Variants in GPD1L observed in about 807,000 individuals in gnomAD.
GPD1L encodes glycerol-3-phosphate dehydrogenase 1-like protein.
GPD1L carries 17 observed loss-of-function variants against 32.9 expected under a neutral mutation model. The ratio of observed to expected loss-of-function variants is 0.52; its 90% CI spans 0.35 to 0.78. GPD1L has a LOEUF of 0.78. Ranked by LOEUF, GPD1L falls within the 30% of genes least tolerant of loss-of-function variation. The pLI is 0.01. For synonymous variants in GPD1L, 187 were observed against 165.9 expected, an observed-to-expected ratio of 1.13 and a Z score of -0.98; for missense variants, 361 against 447.8, an observed-to-expected ratio of 0.81 and a Z score of 1.75.
intron 5 of GPD1L, chr3:32,151,637 G>A (rs1330617770): frequency 1.7e-5 from 3 of 171,896 alleles, no homozygotes; most frequent in African/African-American, 7.2e-5. Flanking sequence ...TTGCCACCAT[G>A]CCTGCTAATT....
intron 2 of GPD1L, 131 bp from the exon 3 acceptor site, chr3:32,138,456 G>A: frequency 1.1e-6 from 1 of 885,182 alleles, no homozygotes; most frequent in South Asian, 1.3e-5. Flanking sequence ...AAACACACTT[G>A]CCTTCCTTGT....
chr3:32,141,340 CAAAAG>C (rs1311783227), intron 4 of GPD1L, among the ~76,000 whole-genome samples: 1 of 152,016 alleles, frequency 6.6e-6, no homozygotes, highest in Non-Finnish European at 1.5e-5. Flanking sequence ...TAGAGATAAT[CAAAAG>C]AAAGCCATTT....
rs1258165644 is a variant in GPD1L, at chr3:32,167,989, A to T, written c.*2079A>T. Reference sequence around the variant, plus strand: ...AACAAAAAGTTACTTTAAAAGATATATAAAGGGCTGTAAGCTAATTGTGGT... The same window carrying T: ...AACAAAAAGTTACTTTAAAAGATATTTAAAGGGCTGTAAGCTAATTGTGGT... On this transcript the variant is annotated 3_prime_UTR_variant, in exon 8 of 8. Coordinates refer to ENST00000282541, the MANE Select transcript of GPD1L (RefSeq NM_015141.4). 6.6e-6 allele frequency: 1 copy of T among 152,210 alleles called. No individual in the cohort carries two copies. The highest frequency in any genetic ancestry group is 1.5e-5 in the Non-Finnish European group (1 of 68,038). 9.4% of individuals were successfully genotyped at this position (152,210 alleles called of 1,614,324 possible). A position where few individuals can be genotyped will look rare whatever the true frequency, so the allele number is the denominator to read the frequency against.
intron 5 of GPD1L, among the ~76,000 whole-genome samples, chr3:32,156,327 A>C (rs879790516): frequency 6.6e-6 from 1 of 152,254 alleles, no homozygotes; most frequent in African/African-American, 2.4e-5. Flanking sequence ...GCACTTGGTC[A>C]GGCTGTCAGT....
At chr3:32,143,696 A>T (rs1392292046) in intron 4 of GPD1L, among the ~76,000 whole-genome samples, 1 of 152,126 alleles carries the variant, frequency 6.6e-6, no homozygotes, top group East Asian at 1.9e-4. Context: ...TACAAAAATT[A>T]GCCAGGTGTG....
At chr3:32,121,451 TTC>T (rs1255668509) in intron 1 of GPD1L, among the ~76,000 whole-genome samples, 9,316 of 69,006 alleles carry the variant, frequency 0.14, 1,367 homozygotes, top group Non-Finnish European at 0.19. Context: ...ATATATATAT[TTC>T]TCTCTATATA....
At chr3:32,108,872 C>T (rs1000460807) in intron 1 of GPD1L, among the ~76,000 whole-genome samples, 5 of 151,932 alleles carry the variant, frequency 3.3e-5, no homozygotes, top group Admixed American at 6.6e-5. Context: ...TTTTTTTAGA[C>T]GGAGTCTCCC....
intron 2 of GPD1L, among the ~76,000 whole-genome samples, chr3:32,129,804 T>G (rs1206861652): frequency 2.0e-5 from 3 of 152,212 alleles, no homozygotes; most frequent in Admixed American, 6.5e-5. Context: ...CTCTTCCCCC[T>G]GCAATGGAAG....
chr3:32,163,401 C>T (rs1011352337), intron 7 of GPD1L, among the ~76,000 whole-genome samples: 2 of 152,018 alleles, frequency 1.3e-5, no homozygotes, highest in Non-Finnish European at 2.9e-5. Flanking sequence ...ATCTCCTGAC[C>T]TCGTGATCCA....
intron 5 of GPD1L, among the ~76,000 whole-genome samples, chr3:32,157,530 A>G (rs1701011459): frequency 1.3e-5 from 2 of 152,138 alleles, no homozygotes; most frequent in South Asian, 4.1e-4. Flanking sequence ...TCCAGGGCTG[A>G]GTGGGGTGCT....
At chr3:32,151,634 C>T (rs1700921176) in intron 5 of GPD1L, among the ~76,000 whole-genome samples, 1 of 152,126 alleles carries the variant, frequency 6.6e-6, no homozygotes, top group Non-Finnish European at 1.5e-5. Context: ...TGCTTGCCAC[C>T]ATGCCTGCTA....
chr3:32,120,243 A>G (rs542974433), intron 1 of GPD1L, among the ~76,000 whole-genome samples: 1 of 152,242 alleles, frequency 6.6e-6, no homozygotes, highest in South Asian at 2.1e-4. Context: ...GCTTGAACCC[A>G]GGAGACGGAG....
At chr3:32,120,724 T>C (rs1700400323) in intron 1 of GPD1L, among the ~76,000 whole-genome samples, 1 of 152,208 alleles carries the variant, frequency 6.6e-6, no homozygotes, top group Non-Finnish European at 1.5e-5. Flanking sequence ...ATTGCAAGCA[T>C]GCAAGTTATA....
At chr3:32,155,436 A>G (rs1575121187) in intron 5 of GPD1L, among the ~76,000 whole-genome samples, 3 of 152,226 alleles carry the variant, frequency 2.0e-5, no homozygotes, top group Admixed American at 6.5e-5. Context: ...ACAGAAGTCC[A>G]TGTTCTCTCC....
chr3:32,115,077 G>A (rs1575106876), intron 1 of GPD1L, among the ~76,000 whole-genome samples: 1 of 152,244 alleles, frequency 6.6e-6, no homozygotes, highest in Non-Finnish European at 1.5e-5. Flanking sequence ...ACTGGCTGGG[G>A]TGGCCAGCTT....
chr3:32,106,650 A>C lies in GPD1L; in HGVS notation c.-62A>C. ...CGCCAGCCGCTGCGGGCAAGGCTGA[A>C]CAGGCGGAGGTGGGCAGCCGGCCAG... On this transcript the variant is annotated 5_prime_UTR_variant, in exon 1 of 8. Transcript: ENST00000282541. The surrounding 1 kb of genome is among the most constrained non-coding windows in gnomAD (Gnocchi z 4.0). The C allele has an allele frequency of 6.9e-7, 1 of 1,444,010 alleles. No homozygotes were observed. Among genetic ancestry groups the C allele is most frequent in the Non-Finnish European group, 9.2e-7 (1 of 1,088,298 alleles). The allele number at this position is 1,444,010 out of a possible 1,614,324, so 89.4% of individuals were successfully genotyped here.
chr3:32,146,018 C>G (rs1700815471), intron 4 of GPD1L, among the ~76,000 whole-genome samples: 1 of 151,866 alleles, frequency 6.6e-6, no homozygotes, highest in Non-Finnish European at 1.5e-5. Flanking sequence ...CTCAGATGGC[C>G]TGGATTATTT....
intron 7 of GPD1L, among the ~76,000 whole-genome samples, chr3:32,165,577 T>C (rs1701135167): frequency 1.3e-5 from 2 of 152,184 alleles, no homozygotes; most frequent in African/African-American, 4.8e-5. Flanking sequence ...GTGACTTGGT[T>C]GTGGACAGTG....
intron 1 of GPD1L, among the ~76,000 whole-genome samples, chr3:32,114,995 G>C (rs1175545083): frequency 1.3e-5 from 2 of 152,238 alleles, no homozygotes; most frequent in Non-Finnish European, 2.9e-5. Context: ...GTGAGCAGCA[G>C]CAAGATTTAT....
Sources: allele counts gnomAD v4.1 joint callset (sites outside exome capture counted in the v4.1 genomes callset), GRCh38; gene constraint gnomAD v4.1.1; non-coding constraint Gnocchi (gnomAD v3.1); transcripts MANE v1.5; gene names NCBI Gene and HGNC (gene_info 2026-07-23, HGNC 2026-07-21).